The following ZBTB34 variants were observed in gnomAD, a reference collection of about 807,000 sequenced individuals.
ZBTB34 encodes zinc finger and BTB domain-containing protein 34.
ZBTB34 carries 1 observed loss-of-function variant against 33.4 expected under a neutral mutation model. The ratio of observed to expected loss-of-function variants is 0.03; its 90% CI spans 0.01 to 0.14. ZBTB34 has a LOEUF of 0.14. Among genes scored for constraint, ZBTB34 ranks in the 10% least tolerant of loss-of-function variants. ZBTB34 has a pLI of 1.00. For missense variants in ZBTB34, 406 were observed against 657.2 expected, an observed-to-expected ratio of 0.62 and a Z score of 4.18; for synonymous variants, 283 against 253.5, an observed-to-expected ratio of 1.12 and a Z score of -1.11.
At position 126,879,932 on chromosome 9, in the gene ZBTB34, C is replaced by T; in HGVS notation, c.533C>T (p.Pro178Leu). ...CCATATTGCTCTCAGGGACGGCAGC[C>T]CACCGCAAGCAGTGACCTCCGGATG... The change falls in exon 2 of 2, where the codon CCC (proline) becomes CTC (leucine). Residue 178 changes from proline to leucine, a missense_variant. Physicochemically the swap from Pro to Leu is moderately conservative, Grantham distance 98. This residue lies in a region of ZBTB34 where 137 missense variants were observed against 173.0 expected (regional missense o/e 0.79). Coordinates refer to ENST00000319119, the Ensembl canonical transcript of ZBTB34. The surrounding 1 kb of genome is among the most constrained non-coding windows in gnomAD (Gnocchi z 6.4). 6.2e-7 allele frequency: 1 copy of T among 1,613,174 alleles called. No individual in the cohort carries two copies. Among genetic ancestry groups the T allele is most frequent in the Middle Eastern group, 1.7e-4 (1 of 6,060 alleles).
At position 126,874,369 on chromosome 9, in the gene ZBTB34, G is replaced by A. The variant is rs147471629; in HGVS notation, c.-10-5021G>A. On this transcript the variant is annotated intron_variant, in intron 1 of 1. Transcript: ENST00000319119. Reference sequence around the variant, plus strand: ...CCGGCCTCTGCTATGTATGTTCTAGGTATTTTTATTGTTTTCTACCTCGGT... The same window carrying A: ...CCGGCCTCTGCTATGTATGTTCTAGATATTTTTATTGTTTTCTACCTCGGT... Among the ~76,000 whole-genome samples, 113 of 152,028 alleles carry A rather than the reference G, an allele frequency of 7.4e-4. No homozygotes were observed. The East Asian group carries it at 0.021, about 29-fold the overall frequency.
At chr9:126,869,766 G>T (rs2033254450) in intron 1 of ZBTB34, among the ~76,000 whole-genome samples, 1 of 152,178 alleles carries the variant, frequency 6.6e-6, no homozygotes, top group Admixed American at 6.5e-5. Flanking sequence ...AAGAAAGTAA[G>T]ATTTTGGAAG....
At position 126,880,294 on chromosome 9, in the gene ZBTB34, G is replaced by A. The variant is rs754417374; in HGVS notation, c.895G>A (p.Val299Ile). ...CCAAGCAGCCTCACAGCCAACCAAT[G>A]TATCAGAAGCTTTTGGAAGTTTGAG... The change falls in exon 2 of 2, where the codon GTA becomes ATA. Residue 299 changes from valine (V) to isoleucine (I), a missense_variant. By Grantham distance (29) the Val-to-Ile change is conservative (BLOSUM62 3). Coordinates refer to ENST00000319119, the Ensembl canonical transcript of ZBTB34. This position sits in a 1 kb window ranked among gnomAD's most constrained non-coding sequence, Gnocchi z 6.7. 8 of 1,613,978 alleles carry A rather than the reference G, an allele frequency of 5.0e-6. No individual in the cohort carries two copies. In the South Asian group the frequency reaches 5.5e-5, roughly 11 times the overall value.
intron 1 of ZBTB34, among the ~76,000 whole-genome samples, chr9:126,874,241 G>T (rs2033323914): frequency 6.8e-6 from 1 of 147,930 alleles, no homozygotes; most frequent in Non-Finnish European, 1.5e-5. Context: ...TAGTAGAGAT[G>T]GGGTTTCACC....
intron 1 of ZBTB34, among the ~76,000 whole-genome samples, chr9:126,864,440 G>A (rs2033176588): frequency 6.6e-6 from 1 of 152,092 alleles, no homozygotes; most frequent in Non-Finnish European, 1.5e-5. Flanking sequence ...ATGATGTTTT[G>A]CATTGACTAA....
At chr9:126,862,224 A>G (rs2033151568) in intron 1 of ZBTB34, among the ~76,000 whole-genome samples, 1 of 152,200 alleles carries the variant, frequency 6.6e-6, no homozygotes, top group African/African-American at 2.4e-5. Context: ...GTTAGTGAAT[A>G]GACCAGTCTC....
chr9:126,861,851 G>A (rs1026495571), intron 1 of ZBTB34, among the ~76,000 whole-genome samples: 6 of 152,162 alleles, frequency 3.9e-5, no homozygotes, highest in Admixed American at 6.5e-5. Flanking sequence ...GCTGACTCCA[G>A]AGGTTCCCCC....
At chr9:126,863,782 A>G in intron 1 of ZBTB34, 1 of 897,702 alleles carries the variant, frequency 1.1e-6, no homozygotes, top group African/African-American at 1.8e-5. Context: ...GTGCCCCTGA[A>G]ATGCTAGCCA....
chr9:126,878,726 GTT>G (rs1316065576), intron 1 of ZBTB34, among the ~76,000 whole-genome samples: 7 of 133,706 alleles, frequency 5.2e-5, no homozygotes, highest in Non-Finnish European at 8.2e-5. Context: ...TTTTTGTTTT[GTT>G]TTTTTTTTTT....
At chr9:126,876,513 T>C (rs564997260) in intron 1 of ZBTB34, among the ~76,000 whole-genome samples, 1 of 152,134 alleles carries the variant, frequency 6.6e-6, no homozygotes, top group South Asian at 2.1e-4. Context: ...CTTACATTTG[T>C]GAAGCAGCTG....
In ZBTB34 at chr9:126,878,905, G is replaced by A. The variant is rs142804757; in HGVS notation, c.-10-485G>A. 2.5e-3 allele frequency among the ~76,000 whole-genome samples: 381 copies of A among 152,008 alleles called. 2 individuals carry two copies. Among genetic ancestry groups the A allele is most frequent in the African/African-American group, 8.9e-3 (370 of 41,466 alleles). ...CACCAGGCTAATTTTTGTATTTTTAGTACAGATGGGGTTTTACCATGTTGG... is the reference window on the plus strand; with the variant it reads ...CACCAGGCTAATTTTTGTATTTTTAATACAGATGGGGTTTTACCATGTTGG... On this transcript the variant is annotated intron_variant, in intron 1 of 1. Coordinates refer to ENST00000319119, the Ensembl canonical transcript of ZBTB34.
exon 2 of ZBTB34, chr9:126,881,488 T>G (rs2033441037): frequency 6.0e-6 from 1 of 166,832 alleles, no homozygotes; most frequent in African/African-American, 2.4e-5. Context: ...ACAGGGCTTC[T>G]GAGTCTATCT....
At position 126,879,224 on chromosome 9, in the gene ZBTB34, G is replaced by A. The variant is rs561733120; in HGVS notation, c.-10-166G>A. ...TGATCATTAGTTTATTTGGCTTTAG[G>A]TGAATTAACCAAAACATGAAAGACT... On this transcript the variant is annotated intron_variant, in intron 1 of 1. Coordinates refer to ENST00000319119, the Ensembl canonical transcript of ZBTB34. The surrounding 1 kb of genome is among the most constrained non-coding windows in gnomAD (Gnocchi z 6.4). The A allele has an allele frequency of 1.9e-5, 11 of 567,920 alleles. No homozygotes were observed. In the African/African-American group the frequency reaches 2.1e-4, roughly 11 times the overall value. 35.2% of individuals were successfully genotyped at this position (567,920 alleles called of 1,614,324 possible).
chr9:126,865,759 C>T (rs979911141), intron 1 of ZBTB34, among the ~76,000 whole-genome samples: 51 of 152,202 alleles, frequency 3.4e-4, no homozygotes, highest in Admixed American at 8.5e-4. Flanking sequence ...CTGAGGCAGG[C>T]GGATCCCTTG....
chr9:126,873,691 G>A (rs1049047189), intron 1 of ZBTB34, among the ~76,000 whole-genome samples: 8 of 151,894 alleles, frequency 5.3e-5, no homozygotes, highest in Admixed American at 3.9e-4. Flanking sequence ...TGCAACCTCC[G>A]CCTCCCGGGT....
chr9:126,867,398 T>C (rs1199826251), intron 1 of ZBTB34, among the ~76,000 whole-genome samples: 1 of 151,772 alleles, frequency 6.6e-6, no homozygotes, highest in African/African-American at 2.4e-5. Flanking sequence ...TCAAACGTCT[T>C]TAATCAGAAG....
In ZBTB34 at chr9:126,879,768, G is replaced by A. The variant is rs764698364; in HGVS notation, c.369G>A (p.Thr123=). The A allele has an allele frequency of 3.6e-5, 58 of 1,613,330 alleles. 1 individual carries two copies. The South Asian group carries it at 4.3e-4, about 12-fold the overall frequency. ...TGCAGTGTGTCATTGACAAGTGCAC[G>A]CAGATCCTAGAGAGCATCCATTCCA... Residue 123 remains threonine (T), a synonymous_variant, in exon 2 of 2, where the codon ACG becomes ACA. Transcript: ENST00000319119. The surrounding 1 kb of genome is among the most constrained non-coding windows in gnomAD (Gnocchi z 6.4).
chr9:126,875,502 G>A (rs951560905), intron 1 of ZBTB34, among the ~76,000 whole-genome samples: 1 of 151,950 alleles, frequency 6.6e-6, no homozygotes, highest in Admixed American at 6.6e-5. Flanking sequence ...ATTTATACAG[G>A]CTTTTGTCCA....
chr9:126,870,781 GC>G (rs2033266985), intron 1 of ZBTB34, among the ~76,000 whole-genome samples: 1 of 152,058 alleles, frequency 6.6e-6, no homozygotes, highest in Non-Finnish European at 1.5e-5. Flanking sequence ...ACAAAAATTA[GC>G]CAAGCGTGGT....
Sources: gnomAD v4.1 joint callset for allele counts (sites outside exome capture counted in the v4.1 genomes callset) on GRCh38, gnomAD v4.1.1 for gene constraint, gnomAD v4.1.1 regional missense constraint, Gnocchi (gnomAD v3.1) non-coding constraint, MANE v1.5 for transcripts, NCBI Gene and HGNC (gene_info 2026-07-23, HGNC 2026-07-21) for gene names.